CD96: variants seen among roughly 807,000 people sequenced by gnomAD.
The protein encoded by CD96 is CD96 molecule, also known as T-cell surface protein tactile.
Under a neutral mutation model 71.3 loss-of-function variants are expected in CD96, and 70 were observed. The observed-to-expected ratio is 0.98, with a 90% CI of 0.81 to 1.20. The LOEUF (loss-of-function observed/expected upper bound fraction) is 1.20. Ranked by LOEUF, CD96 falls within the 50% of genes most tolerant of loss-of-function variation. The probability of loss-of-function intolerance (pLI) is 0.00; values close to 1 mark genes in which losing one functional copy is unlikely to be tolerated. For missense variants in CD96, 742 were observed against 677.5 expected (o/e 1.10, Z -1.06); for synonymous variants, 248 against 233.0 (o/e 1.06, Z -0.59).
chr3:111,629,782 G>A (rs777069437), intron 10 of CD96, among the ~76,000 whole-genome samples: 2 of 152,050 alleles, frequency 1.3e-5, no homozygotes, highest in African/African-American at 2.4e-5. Flanking sequence ...ACACTCCTCA[G>A]TAAATGCAAA....
chr3:111,591,535 A>T (rs955670134), intron 5 of CD96, among the ~76,000 whole-genome samples: 5 of 152,084 alleles, frequency 3.3e-5, no homozygotes, highest in Non-Finnish European at 7.4e-5. Flanking sequence ...CCTAAGCCCC[A>T]CTCCAAAAAT....
In CD96 at chr3:111,650,538, G is replaced by C. The variant is rs1331775329; in HGVS notation, c.*732G>C. 2 of 152,468 alleles carry C rather than the reference G, an allele frequency of 1.3e-5. No homozygotes were observed. The highest frequency in any genetic ancestry group is 4.8e-5 in the African/African-American group (2 of 41,456). The allele number at this position is 152,468 out of a possible 1,614,324, so 9.4% of individuals were successfully genotyped here. A position where few individuals can be genotyped will look rare whatever the true frequency, so the allele number is the denominator to read the frequency against. On this transcript the variant is annotated 3_prime_UTR_variant, in exon 14 of 14. Transcript: ENST00000352690. ...ATTAGCCAAGAGTGGTTTCATTTGA[G>C]TGCCTTCGTGTGTATGTCCATCAAA...
At chr3:111,664,985 T>C (rs1297378807) in intron 14 of CD96, among the ~76,000 whole-genome samples, 1 of 152,230 alleles carries the variant, frequency 6.6e-6, no homozygotes, top group Non-Finnish European at 1.5e-5. Flanking sequence ...CAAAGGACTA[T>C]GATATAAATA....
chr3:111,655,948 A>G (rs1290025103), downstream of CD96, among the ~76,000 whole-genome samples: 2 of 151,598 alleles, frequency 1.3e-5, no homozygotes, highest in African/African-American at 2.4e-5. Flanking sequence ...GTATACATCT[A>G]TATAACTGCA....
intron 7 of CD96, among the ~76,000 whole-genome samples, chr3:111,601,287 A>G (rs1005653746): frequency 2.0e-5 from 3 of 152,222 alleles, no homozygotes; most frequent in African/African-American, 7.2e-5. Context: ...TTCCTTCTGC[A>G]TCATTAGAAA....
downstream of CD96, among the ~76,000 whole-genome samples, chr3:111,655,052 A>G (rs891887991): frequency 2.6e-5 from 4 of 152,234 alleles, no homozygotes; most frequent in Non-Finnish European, 4.4e-5. Flanking sequence ...TGAGAATTCC[A>G]TCTATGGTAG....
chr3:111,653,428 A>AT (rs1416118568), downstream of CD96, among the ~76,000 whole-genome samples: 2 of 152,166 alleles, frequency 1.3e-5, no homozygotes, highest in East Asian at 3.8e-4. Context: ...TGCGTGCTTT[A>AT]TTTTTTTAAA....
chr3:111,544,981 G>T, intron 1 of CD96, 65 bp from the exon 2 acceptor site: 4 of 1,401,078 alleles, frequency 2.9e-6, no homozygotes, highest in Non-Finnish European at 4.0e-6. Flanking sequence ...AGTGACTAGG[G>T]TTTTTAATTA....
At chr3:111,558,019 G>T (rs1251277097) in intron 2 of CD96, among the ~76,000 whole-genome samples, 2 of 148,572 alleles carry the variant, frequency 1.3e-5, no homozygotes, top group Non-Finnish European at 3.0e-5. Context: ...TGTGTTGTTG[G>T]TGTATAAGAA....
At chr3:111,665,689 G>C (rs919400373) in exon 15 of CD96, 1 of 152,188 alleles carries the variant, frequency 6.6e-6, no homozygotes, top group African/African-American at 2.4e-5. Flanking sequence ...CTCCACCCAA[G>C]AAAGAGACTT....
chr3:111,563,039 G>T (rs7615882), intron 2 of CD96, among the ~76,000 whole-genome samples: 2,792 of 152,314 alleles, frequency 0.018, 86 homozygotes, highest in African/African-American at 0.064. Context: ...ATCCTCTGGA[G>T]GGGAGAAATG....
At chr3:111,583,285 G>A (rs1427506388) in intron 4 of CD96, among the ~76,000 whole-genome samples, 1 of 152,156 alleles carries the variant, frequency 6.6e-6, no homozygotes, top group Non-Finnish European at 1.5e-5. Context: ...ATGTTCTTAG[G>A]CAGTTCTGTC....
chr3:111,581,848 A>G (rs973464049), intron 4 of CD96, among the ~76,000 whole-genome samples: 1 of 152,260 alleles, frequency 6.6e-6, no homozygotes, highest in Non-Finnish European at 1.5e-5. Flanking sequence ...GAAATAAAAC[A>G]TCGAGATAAG....
chr3:111,641,391 A>G (rs1206821350), intron 12 of CD96, among the ~76,000 whole-genome samples: 3 of 152,264 alleles, frequency 2.0e-5, no homozygotes, highest in Non-Finnish European at 4.4e-5. Context: ...CAGTGGTTAA[A>G]AAAGACAAAG....
rs149196997 is a variant in CD96, at chr3:111,649,801, C to T, written c.1705C>T (p.Leu569Phe). Residue 569 changes from leucine (L) to phenylalanine (F), a missense_variant, in exon 14 of 14, where the codon CTC becomes TTC. Leu to Phe is a conservative substitution (Grantham distance 22). Coordinates refer to ENST00000352690, the MANE Select transcript of CD96 (RefSeq NM_005816.5). ...SDLPYHEMET[L>F] ...TCTGCCTTATCATGAGATGGAGACC[C>T]TCTAGTCTCGTGAGACTTTGCCCCA... is the stretch of plus-strand genomic sequence containing the variant. 5.0e-6 allele frequency: 8 copies of T among 1,584,600 alleles called. No homozygotes were observed. The highest frequency in any genetic ancestry group is 1.7e-5 in the Admixed American group (1 of 60,006).
intron 2 of CD96, among the ~76,000 whole-genome samples, chr3:111,560,106 G>A (rs1935306987): frequency 6.7e-6 from 1 of 148,880 alleles, no homozygotes; most frequent in Admixed American, 6.7e-5. Flanking sequence ...ATGTGTCTCT[G>A]CACGTGAGAT....
At chr3:111,640,768 T>G (rs1461462115) in intron 12 of CD96, among the ~76,000 whole-genome samples, 2 of 152,210 alleles carry the variant, frequency 1.3e-5, no homozygotes, top group African/African-American at 2.4e-5. Context: ...GAGGAAAATC[T>G]ATCAGATTAA....
At position 111,605,979 on chromosome 3, in the gene CD96, T is replaced by A. The variant is rs567004258; in HGVS notation, c.1088-721T>A. 1.3e-3 allele frequency among the ~76,000 whole-genome samples: 193 copies of A among 152,298 alleles called. 3 individuals carry two copies. The Middle Eastern group carries it at 0.02, about 16-fold the overall frequency. Reference sequence around the variant, plus strand: ...TTAACCCACATGTTCCTAAAGTCAATAGAGCCTTCTGGCATTTGTAAATTG... The same window carrying A: ...TTAACCCACATGTTCCTAAAGTCAAAAGAGCCTTCTGGCATTTGTAAATTG... On this transcript the variant is annotated intron_variant, in intron 7 of 13. Coordinates refer to ENST00000352690, the MANE Select transcript of CD96 (RefSeq NM_005816.5).
downstream of CD96, among the ~76,000 whole-genome samples, chr3:111,655,031 G>T (rs1940195752): frequency 6.6e-6 from 1 of 152,188 alleles, no homozygotes; most frequent in South Asian, 2.1e-4. Flanking sequence ...ATGGGAAGAT[G>T]ATCAGGGATC....
Sources: allele counts gnomAD v4.1 joint callset (sites outside exome capture counted in the v4.1 genomes callset), GRCh38; gene constraint gnomAD v4.1.1; transcripts MANE v1.5; gene names NCBI Gene and HGNC (gene_info 2026-07-23, HGNC 2026-07-21).